CFAP299: variants seen among roughly 807,000 people sequenced by gnomAD.
CFAP299 encodes cilia- and flagella-associated protein 299.
CFAP299 carries 21 observed loss-of-function variants against 27.0 expected under a neutral mutation model. The observed-to-expected ratio is 0.78, with a 90% CI of 0.55 to 1.12. The LOEUF is 1.12. Ranked by LOEUF, CFAP299 falls within the 50% of genes most tolerant of loss-of-function variation. CFAP299 has a pLI of 0.00. For missense variants in CFAP299, 310 were observed against 276.6 expected, an observed-to-expected ratio of 1.12 and a Z score of -0.86; for synonymous variants, 104 against 98.1, an observed-to-expected ratio of 1.06 and a Z score of -0.36.
intron 2 of CFAP299, among the ~76,000 whole-genome samples, chr4:80,506,007 T>C (rs1052948518): frequency 3.4e-5 from 5 of 147,212 alleles, no homozygotes; most frequent in African/African-American, 1.3e-4. Flanking sequence ...CGTGTAAATA[T>C]ATATAAATAT....
intron 2 of CFAP299, among the ~76,000 whole-genome samples, chr4:80,453,841 AAATAATAATAATAATAATAATAAT>A (rs10692004): frequency 1.5e-5 from 2 of 135,990 alleles, no homozygotes; most frequent in South Asian, 2.4e-4. Context: ...ACCCTGTCTC[AAATAATAATAATAATAATAATAAT>A]AATAATAATA....
chr4:80,326,978 T>C, the CFAP299 span, among the ~76,000 whole-genome samples: 1 of 152,186 alleles, frequency 6.6e-6, no homozygotes, highest in Non-Finnish European at 1.5e-5. Flanking sequence ...AAGTGGAACC[T>C]GGTAGGTTCC....
chr4:80,893,711 TAAAC>T (rs1487130807), intron 4 of CFAP299, among the ~76,000 whole-genome samples: 2 of 148,454 alleles, frequency 1.3e-5, no homozygotes, highest in African/African-American at 5.0e-5. Flanking sequence ...TATATAAAAA[TAAAC>T]AAAATAGATT....
chr4:80,375,494 T>C (rs188675332), intron 2 of CFAP299, among the ~76,000 whole-genome samples: 2 of 152,298 alleles, frequency 1.3e-5, no homozygotes, highest in Admixed American at 1.3e-4. Context: ...GTGGACCTCA[T>C]TACCAGAGAA....
chr4:80,826,415 T>C (rs566121505), intron 3 of CFAP299, among the ~76,000 whole-genome samples: 1 of 151,112 alleles, frequency 6.6e-6, no homozygotes, highest in South Asian at 2.1e-4. Flanking sequence ...AATCAAGAGA[T>C]TAAAACAATC....
intron 4 of CFAP299, among the ~76,000 whole-genome samples, chr4:80,897,693 T>C (rs976492805): frequency 1.3e-5 from 2 of 152,098 alleles, no homozygotes; most frequent in African/African-American, 4.8e-5. Flanking sequence ...GGAACCACAA[T>C]ATCAAGAATC....
At chr4:80,606,613 T>C (rs1371922508) in intron 3 of CFAP299, among the ~76,000 whole-genome samples, 1 of 152,138 alleles carries the variant, frequency 6.6e-6, no homozygotes, top group Non-Finnish European at 1.5e-5. Flanking sequence ...TTCTTAAAGA[T>C]ATAAACACAT....
At chr4:80,359,331 G>T (rs1560528919) in intron 1 of CFAP299, among the ~76,000 whole-genome samples, 2 of 151,852 alleles carry the variant, frequency 1.3e-5, no homozygotes, top group African/African-American at 2.4e-5. Flanking sequence ...ACCTTACTGG[G>T]GTTCTCTGCA....
chr4:80,878,100 A>G (rs1278061951), intron 4 of CFAP299, among the ~76,000 whole-genome samples: 1 of 152,134 alleles, frequency 6.6e-6, no homozygotes, highest in East Asian at 1.9e-4. Context: ...TATGTCCAAA[A>G]TGTATTATAG....
chr4:80,892,470 C>A (rs1029692183), intron 4 of CFAP299, among the ~76,000 whole-genome samples: 1 of 152,052 alleles, frequency 6.6e-6, no homozygotes, highest in Non-Finnish European at 1.5e-5. Context: ...AGTAATACCC[C>A]ACAAGCACAG....
At chr4:80,872,982 G>T in intron 4 of CFAP299, 3 of 977,678 alleles carry the variant, frequency 3.1e-6, no homozygotes, top group Non-Finnish European at 2.4e-6. Context: ...TCATCTTAAT[G>T]CATTTTAAAC....
intron 3 of CFAP299, among the ~76,000 whole-genome samples, chr4:80,824,404 G>A (rs1300119775): frequency 3.9e-5 from 6 of 152,040 alleles, no homozygotes; most frequent in African/African-American, 9.7e-5. Flanking sequence ...TCAGGTATTG[G>A]GAATTTGTGC....
intron 4 of CFAP299, among the ~76,000 whole-genome samples, chr4:80,942,157 G>A (rs1737228937): frequency 2.0e-5 from 3 of 152,306 alleles, no homozygotes; most frequent in Admixed American, 6.5e-5. Context: ...CACTGCAAGA[G>A]AGACCATGGT....
chr4:80,579,995 T>A (rs1029251648), intron 2 of CFAP299, among the ~76,000 whole-genome samples: 3 of 152,022 alleles, frequency 2.0e-5, no homozygotes, highest in African/African-American at 7.2e-5. Context: ...GTAGACATAT[T>A]TTGTGGAAAC....
At chr4:80,663,897 T>G (rs75891160) in intron 3 of CFAP299, among the ~76,000 whole-genome samples, 10,522 of 151,998 alleles carry the variant, frequency 0.069, 815 homozygotes, top group African/African-American at 0.19. Context: ...TAATTATGAG[T>G]TTTTTTTCAT....
chr4:80,360,902 T>C (rs1723511888), intron 1 of CFAP299, among the ~76,000 whole-genome samples: 1 of 152,160 alleles, frequency 6.6e-6, no homozygotes, highest in African/African-American at 2.4e-5. Context: ...ATACATTATT[T>C]TGGGGGTTGG....
chr4:80,963,034 A>G (rs1290150458), intron 5 of CFAP299, among the ~76,000 whole-genome samples: 1 of 152,214 alleles, frequency 6.6e-6, no homozygotes, highest in Non-Finnish European at 1.5e-5. Context: ...AAAAAAAAGC[A>G]GATCAAGTAG....
intron 3 of CFAP299, among the ~76,000 whole-genome samples, chr4:80,648,394 A>T (rs1043732651): frequency 6.6e-6 from 1 of 152,176 alleles, no homozygotes; most frequent in African/African-American, 2.4e-5. Context: ...GTTTTACATT[A>T]AAAATTATGC....
At chr4:80,922,464 T>C (rs1209411892) in intron 4 of CFAP299, among the ~76,000 whole-genome samples, 1 of 152,058 alleles carries the variant, frequency 6.6e-6, no homozygotes, top group East Asian at 1.9e-4. Flanking sequence ...ACTCATTCTA[T>C]GTCAATTATT....
Sources: allele counts gnomAD v4.1 joint callset (sites outside exome capture counted in the v4.1 genomes callset), GRCh38; gene constraint gnomAD v4.1.1; transcripts MANE v1.5; gene names NCBI Gene and HGNC (gene_info 2026-07-23, HGNC 2026-07-21).